Variants in POTEC observed in about 807,000 individuals in gnomAD.
The protein encoded by POTEC is ANKRD26-like family B member 2.
Under a neutral mutation model 62.0 loss-of-function variants are expected in POTEC, and 35 were observed. The observed-to-expected ratio is 0.56, with a 90% CI of 0.43 to 0.75. The LOEUF (loss-of-function observed/expected upper bound fraction) is 0.75, where lower values mean the gene tolerates loss of function less well. POTEC is among the 30% of genes least tolerant of loss of function. The pLI is 0.00. For missense variants in POTEC, 472 were observed against 655.9 expected, an observed-to-expected ratio of 0.72 and a Z score of 3.06; for synonymous variants, 156 against 221.5, an observed-to-expected ratio of 0.70 and a Z score of 2.62.
In POTEC at chr18:14,513,621, A is replaced by T. The variant is rs543766144; in HGVS notation, c.1533+41T>A. 58 of 1,597,084 alleles carry T rather than the reference A, an allele frequency of 3.6e-5. 2 individuals carry two copies. In the South Asian group the frequency reaches 6.2e-4, roughly 17 times the overall value. The stretch of plus-strand genomic sequence containing the variant: ...CCAAAATAAAGCTTTTTAAAAATAT[A>T]TACACATATGAAAACATTTGAAAAT... On this transcript the variant is annotated intron_variant, in intron 10 of 10. Coordinates refer to ENST00000358970, the MANE Select transcript of POTEC (RefSeq NM_001137671.2).
intron 9 of POTEC, among the ~76,000 whole-genome samples, chr18:14,514,498 C>T (rs1473076577): frequency 6.6e-6 from 1 of 152,218 alleles, no homozygotes; most frequent in Non-Finnish European, 1.5e-5. Context: ...ACAGTTTCCA[C>T]TTATATTCTT....
chr18:14,526,138 T>TC (rs1367205888), intron 6 of POTEC, among the ~76,000 whole-genome samples: 1 of 151,952 alleles, frequency 6.6e-6, no homozygotes, highest in African/African-American at 2.4e-5. Context: ...GACCTTGTGA[T>TC]CCACCTGCTC....
chr18:14,527,289 A>G (rs1910461005), intron 6 of POTEC, among the ~76,000 whole-genome samples: 1 of 152,188 alleles, frequency 6.6e-6, no homozygotes, highest in Non-Finnish European at 1.5e-5. Flanking sequence ...TGTTTAAAGG[A>G]AGAACAGAAA....
At chr18:14,517,363 A>G (rs944722213) in intron 9 of POTEC, among the ~76,000 whole-genome samples, 3 of 152,192 alleles carry the variant, frequency 2.0e-5, no homozygotes, top group South Asian at 2.1e-4. Context: ...ACCAATATCA[A>G]TGTGAGCAGC....
Position 14,510,023 on chromosome 18 carries a change from T to G in POTEC, c.*1875A>C, listed in dbSNP as rs900583366. 12 of 149,908 alleles carry G rather than the reference T, an allele frequency of 8.0e-5. No homozygotes were observed. Among genetic ancestry groups the G allele is most frequent in the Non-Finnish European group, 1.2e-4 (8 of 67,736 alleles). The allele number at this position is 149,908 out of a possible 1,614,324, so 9.3% of individuals were successfully genotyped here. ...TGGAGCCTAGAGACATAGCTGTCCCTGCCCTCCAGGCTCCACATCAGCTGA... is the reference window on the plus strand; with the variant it reads ...TGGAGCCTAGAGACATAGCTGTCCCGGCCCTCCAGGCTCCACATCAGCTGA... On this transcript the variant is annotated 3_prime_UTR_variant, in exon 11 of 11. Coordinates refer to ENST00000358970, the MANE Select transcript of POTEC (RefSeq NM_001137671.2).
rs187147526 is a variant in POTEC at position 14,542,713 on chromosome 18, C to T, written c.434G>A (p.Arg145Lys). Residue 145 changes from arginine to lysine, a missense_variant, in exon 1 of 11, where the codon AGA (arginine) becomes AAA (lysine). Physicochemically the swap from Arg to Lys is conservative, Grantham distance 26. Around this residue, in one of 5 missense-constraint regions of POTEC, gnomAD observed 257 missense variants for 250.7 expected, o/e 1.03. Coordinates refer to ENST00000358970, the MANE Select transcript of POTEC (RefSeq NM_001137671.2). ...GGGGACCTTACCCCACCAGGCAGCT[C>T]TGTGGAGCTTGTCCAGATCTTCTCG... ...VRREDLDKLH[R>K]AAWWGKVPRK... The T allele has an allele frequency of 2.2e-4, 352 of 1,613,230 alleles. 3 individuals carry two copies. The East Asian group carries it at 7.3e-3, about 33-fold the overall frequency.
intron 6 of POTEC, among the ~76,000 whole-genome samples, chr18:14,526,050 C>T (rs1314706903): frequency 2.6e-5 from 4 of 152,016 alleles, no homozygotes; most frequent in Non-Finnish European, 5.9e-5. Context: ...TACAGGCACA[C>T]ACCATCATGC....
intron 1 of POTEC, among the ~76,000 whole-genome samples, chr18:14,539,390 T>G (rs1481112562): frequency 6.7e-6 from 1 of 149,042 alleles, no homozygotes; most frequent in African/African-American, 2.5e-5. Context: ...TTAAGCCTAG[T>G]ACCCGTTAGT....
At chr18:14,524,428 C>A (rs1367113585) in intron 7 of POTEC, among the ~76,000 whole-genome samples, 2 of 152,078 alleles carry the variant, frequency 1.3e-5, no homozygotes, top group African/African-American at 4.8e-5. Flanking sequence ...TATTCTTCAA[C>A]CATGAATCCA....
rs569451626 is a variant in POTEC at position 14,530,586 on chromosome 18, A to T, written c.1056-33T>A. 7.4e-5 allele frequency: 105 copies of T among 1,417,718 alleles called. No homozygotes were observed. In the African/African-American group the frequency reaches 1.3e-3, roughly 18 times the overall value. The allele number at this position is 1,417,718 out of a possible 1,614,324, so 87.8% of individuals were successfully genotyped here. On this transcript the variant is annotated intron_variant, in intron 5 of 10. Transcript: ENST00000358970. The stretch of plus-strand genomic sequence containing the variant: ...TAAAAATGTAATAAACCAAATTACT[A>T]TTTTAATACTGATATAAAAAATACT...
At chr18:14,518,767 G>C (rs956030548) in intron 9 of POTEC, among the ~76,000 whole-genome samples, 1 of 147,288 alleles carries the variant, frequency 6.8e-6, no homozygotes, top group Non-Finnish European at 1.5e-5. Flanking sequence ...CAGACACAGG[G>C]AACTGCGAAT....
Position 14,513,728 on chromosome 18 carries a change from T to C in POTEC, c.1467A>G (p.Ser489=), listed in dbSNP as rs201717447. The C allele has an allele frequency of 6.9e-5, 112 of 1,611,748 alleles. No individual in the cohort carries two copies. Among genetic ancestry groups the C allele is most frequent in the Non-Finnish European group, 8.6e-5 (101 of 1,179,790 alleles). ...GTTTATTAGTCAGAATCTCATCTTG[T>C]GATATTCCAGTGTTCTGTTCTTCAG... ...QLSEEQNTGI[S]QDEILTNKQK... Residue 489 remains serine, a synonymous_variant, in exon 10 of 11, where the codon TCA becomes TCG. Coordinates refer to ENST00000358970, the MANE Select transcript of POTEC (RefSeq NM_001137671.2).
chr18:14,534,380 C>T (rs1245801789), intron 4 of POTEC, among the ~76,000 whole-genome samples: 1 of 152,018 alleles, frequency 6.6e-6, no homozygotes, highest in African/African-American at 2.4e-5. Context: ...GTTGAACCCA[C>T]AGTATGTGGG....
intron 6 of POTEC, among the ~76,000 whole-genome samples, chr18:14,525,834 T>A (rs61422353): frequency 0.036 from 5,523 of 152,252 alleles, 353 homozygotes; most frequent in African/African-American, 0.13. Context: ...TTTGTTAGTG[T>A]ACAATGTCTT....
chr18:14,516,703 C>G (rs564779240), intron 9 of POTEC, among the ~76,000 whole-genome samples: 29 of 150,064 alleles, frequency 1.9e-4, no homozygotes, highest in Non-Finnish European at 3.7e-4. Context: ...ATCAAAATGT[C>G]ATTATTTATA....
intron 3 of POTEC, among the ~76,000 whole-genome samples, chr18:14,537,552 T>C (rs1458453762): frequency 6.6e-6 from 1 of 152,158 alleles, no homozygotes; most frequent in Non-Finnish European, 1.5e-5. Flanking sequence ...AAAAAAGTAT[T>C]ACCTTTTACA....
Position 14,525,784 on chromosome 18 carries a change from T to C in POTEC, c.1127-801A>G, listed in dbSNP as rs181501241. ...TCCTGCCTCCTGTTTTCTGCAAAAATAGTATCTTACAAATGATTTCCAAAA... is the reference window on the plus strand; with the variant it reads ...TCCTGCCTCCTGTTTTCTGCAAAAACAGTATCTTACAAATGATTTCCAAAA... On this transcript the variant is annotated intron_variant, in intron 6 of 10. Coordinates refer to ENST00000358970, the MANE Select transcript of POTEC (RefSeq NM_001137671.2). 4.0e-3 allele frequency among the ~76,000 whole-genome samples: 609 copies of C among 152,296 alleles called. 3 individuals carry two copies. The highest frequency in any genetic ancestry group is 5.6e-3 in the Non-Finnish European group (381 of 68,016).
At chr18:14,527,453 T>C (rs1259978646) in intron 6 of POTEC, among the ~76,000 whole-genome samples, 2 of 152,138 alleles carry the variant, frequency 1.3e-5, no homozygotes, top group Non-Finnish European at 2.9e-5. Flanking sequence ...TTCCTTAATA[T>C]GCTCCTTGCT....
At chr18:14,519,161 G>A (rs983131050) in intron 9 of POTEC, among the ~76,000 whole-genome samples, 1 of 152,122 alleles carries the variant, frequency 6.6e-6, no homozygotes, top group South Asian at 2.1e-4. Context: ...GAGAGAGAGA[G>A]AGATGAGTCA....
Sources: gnomAD v4.1 joint callset for allele counts (sites outside exome capture counted in the v4.1 genomes callset) on GRCh38, gnomAD v4.1.1 for gene constraint, gnomAD v4.1.1 regional missense constraint, MANE v1.5 for transcripts, NCBI Gene and HGNC (gene_info 2026-07-23, HGNC 2026-07-21) for gene names.